MIB1: variants seen among roughly 807,000 people sequenced by gnomAD.
MIB1 encodes MIB E3 ubiquitin protein ligase 1, also known as E3 ubiquitin-protein ligase MIB1.
Under a neutral mutation model 124.5 loss-of-function variants are expected in MIB1, and 278 were observed. The ratio of observed to expected loss-of-function variants is 2.23; its 90% CI spans 2.02 to 2.47. The LOEUF (loss-of-function observed/expected upper bound fraction) is 2.47. MIB1 is among the 30% of genes most tolerant of loss of function. The pLI is 0.00. For missense variants in MIB1, 957 were observed against 1,254.4 expected (o/e 0.76, Z 3.58); for synonymous variants, 446 against 429.4 (o/e 1.04, Z -0.48).
At chr18:21,847,201 G>T in intron 16 of MIB1, 76 bp downstream of exon 16, 5 of 1,236,042 alleles carry the variant, frequency 4.0e-6, no homozygotes, top group African/African-American at 3.0e-5. Context: ...GGAGGACGTG[G>T]CTACTTGAAA....
chr18:21,747,006 A>G (rs1167349853), intron 1 of MIB1, among the ~76,000 whole-genome samples: 1 of 152,198 alleles, frequency 6.6e-6, no homozygotes, highest in Non-Finnish European at 1.5e-5. Flanking sequence ...CTAGAACCAC[A>G]GTAGAAAGGG....
chr18:21,849,108 C>T lies in MIB1; in HGVS notation c.2394-88C>T, dbSNP rs1235152877. ...TTAATATGACTAGTTTTTATGTATA[C>T]TAATGATGCTCCAGGTATATTTTAA... On this transcript the variant is annotated intron_variant, in intron 16 of 20. Transcript: ENST00000261537. 4.8e-6 allele frequency: 4 copies of T among 829,308 alleles called. No individual in the cohort carries two copies. The East Asian group carries it at 1.0e-4, about 22-fold the overall frequency. 51.4% of individuals were successfully genotyped at this position (829,308 alleles called of 1,614,324 possible). A position where few individuals can be genotyped will look rare whatever the true frequency, so the allele number is the denominator to read the frequency against.
intron 19 of MIB1, among the ~76,000 whole-genome samples, chr18:21,858,032 T>TGATG (rs2042243682): frequency 6.6e-6 from 1 of 152,224 alleles, no homozygotes; most frequent in Non-Finnish European, 1.5e-5. Flanking sequence ...ATACTACAGA[T>TGATG]GATGGCCTTT....
intron 10 of MIB1, among the ~76,000 whole-genome samples, chr18:21,813,796 A>C (rs974752162): frequency 2.6e-5 from 4 of 152,130 alleles, no homozygotes; most frequent in African/African-American, 4.8e-5. Flanking sequence ...CCCTTGCAAA[A>C]CTAGGGAGTC....
At chr18:21,739,118 C>T (rs1002278925), upstream of MIB1, among the ~76,000 whole-genome samples, 2 of 151,788 alleles carry the variant, frequency 1.3e-5, no homozygotes, top group Non-Finnish European at 2.9e-5. Flanking sequence ...ACCAACAATC[C>T]CACAGAAATA....
At chr18:21,815,012 TA>T (rs2041813140) in intron 10 of MIB1, among the ~76,000 whole-genome samples, 87 of 2,674 alleles carry the variant, frequency 0.033, no homozygotes, top group East Asian at 0.21. Flanking sequence ...CTGTTGGTTT[TA>T]TATATATATA....
At chr18:21,800,552 A>T (rs1232106986) in intron 9 of MIB1, among the ~76,000 whole-genome samples, 1 of 152,030 alleles carries the variant, frequency 6.6e-6, no homozygotes, top group Non-Finnish European at 1.5e-5. Flanking sequence ...TTTTGATTCT[A>T]GTCATTGTGC....
chr18:21,735,307 CTG>C (rs1467816181), intron 1 of MIB1, among the ~76,000 whole-genome samples: 1 of 152,168 alleles, frequency 6.6e-6, no homozygotes, highest in Non-Finnish European at 1.5e-5. Flanking sequence ...CTGTGAGAGA[CTG>C]TACTGGGAGG....
chr18:21,797,363 C>G (rs76167434), intron 7 of MIB1, among the ~76,000 whole-genome samples: 2,465 of 152,018 alleles, frequency 0.016, 37 homozygotes, highest in East Asian at 0.068. Context: ...GGGGAAAAAA[C>G]AAAGAATGTA....
intron 10 of MIB1, among the ~76,000 whole-genome samples, chr18:21,815,009 TTTTATATATA>T (rs1485301194): frequency 8.5e-5 from 5 of 58,498 alleles, no homozygotes; most frequent in Non-Finnish European, 1.3e-4. Context: ...AAGCTGTTGG[TTTTATATATA>T]TATATATATA....
intron 1 of MIB1, among the ~76,000 whole-genome samples, chr18:21,725,791 GA>G (rs2040739218): frequency 6.6e-6 from 1 of 151,788 alleles, no homozygotes; most frequent in African/African-American, 2.4e-5. Flanking sequence ...GAGAGGGAAG[GA>G]AGGAAGGAAG....
intron 17 of MIB1, among the ~76,000 whole-genome samples, chr18:21,850,003 C>T (rs1303952289): frequency 6.6e-6 from 1 of 152,130 alleles, no homozygotes; most frequent in Non-Finnish European, 1.5e-5. Flanking sequence ...GTTGGTGCCA[C>T]ACACTTTACA....
intron 4 of MIB1, 118 bp from the exon 5 acceptor site, chr18:21,777,985 C>T (rs987312927): frequency 2.6e-5 from 18 of 697,220 alleles, no homozygotes; most frequent in Non-Finnish European, 4.0e-5. Flanking sequence ...GATTGTTGAC[C>T]TAGACTGTTC....
chr18:21,791,389 T>TA lies in MIB1; in HGVS notation c.924_925insA (p.Ala309SerfsTer5). On this transcript the variant is annotated frameshift_variant, in exon 7 of 21. Transcript: ENST00000261537. LOFTEE classifies it high-confidence loss of function. The stretch of plus-strand genomic sequence containing the variant: ...GCTCTTGTAGGTGGACCTTCAATCC[T>TA]GCTGTTCTCACTAAAGCGAACATTG... 6.2e-7 allele frequency: 1 copy of TA among 1,612,138 alleles called. No individual in the cohort carries two copies. Among genetic ancestry groups the TA allele is most frequent in the Non-Finnish European group, 8.5e-7 (1 of 1,179,060 alleles).
chr18:21,815,861 T>A, intron 11 of MIB1, 48 bp downstream of exon 11: 1 of 1,522,146 alleles, frequency 6.6e-7, no homozygotes. Context: ...TAGGATCCTA[T>A]TAAAGGGAAA....
intron 1 of MIB1, among the ~76,000 whole-genome samples, chr18:21,756,529 A>G (rs1315344119): frequency 1.3e-5 from 2 of 151,946 alleles, no homozygotes; most frequent in Non-Finnish European, 2.9e-5. Context: ...CGGTGGTGCA[A>G]TCCTGGCTCG....
At position 21,849,338 on chromosome 18, in the gene MIB1, C is replaced by T; in HGVS notation, c.2536C>T (p.Arg846Cys). 2 of 1,612,178 alleles carry T rather than the reference C, an allele frequency of 1.2e-6. No individual in the cohort carries two copies. Among genetic ancestry groups the T allele is most frequent in the Non-Finnish European group, 1.7e-6 (2 of 1,179,112 alleles). ...HIATCSLCSP[R>C]VKKCLICKEQ... ...TGCTACCTGTTCTTTATGTTCTCCA[C>T]GTGTCAAGAAATGCCTCATCTGTAA... The change falls in exon 17 of 21, where the codon CGT becomes TGT. Residue 846 changes from arginine to cysteine, a missense_variant. Physicochemically the swap from Arg to Cys is radical, Grantham distance 180. Coordinates refer to ENST00000261537, the MANE Select transcript of MIB1 (RefSeq NM_020774.4).
chr18:21,815,830 A>C lies in MIB1; in HGVS notation c.1677+17A>C, dbSNP rs767372072. 1 of 1,607,486 alleles carries C rather than the reference A, an allele frequency of 6.2e-7. No individual in the cohort carries two copies. The stretch of plus-strand genomic sequence containing the variant: ...AGTCTCCAGGTAAAACCTTTAAAGA[A>C]ACACATCCTGCAGGTATTGCTAGGA... On this transcript the variant is annotated intron_variant, in intron 11 of 20. Coordinates refer to ENST00000261537, the MANE Select transcript of MIB1 (RefSeq NM_020774.4).
In MIB1 at chr18:21,719,931, A is replaced by G. The variant is rs2040707271; in HGVS notation, n.167+14808A>G. On this transcript the variant is annotated intron_variant and non_coding_transcript_variant, in intron 1 of 20. Transcript: ENST00000578646. ...TCCTAACTAAACAATGGAAAAGCTTATGTATACACATTTATACTAGCAACC... is the reference window on the plus strand; with the variant it reads ...TCCTAACTAAACAATGGAAAAGCTTGTGTATACACATTTATACTAGCAACC... Among the ~76,000 whole-genome samples, 3 of 152,200 alleles carry G rather than the reference A, an allele frequency of 2.0e-5. 1 individual carries two copies. In the South Asian group the frequency reaches 6.2e-4, roughly 31 times the overall value.
Sources: allele counts gnomAD v4.1 joint callset (sites outside exome capture counted in the v4.1 genomes callset), GRCh38; gene constraint gnomAD v4.1.1; transcripts MANE v1.5; gene names NCBI Gene and HGNC (gene_info 2026-07-23, HGNC 2026-07-21).